The following RPAP3 variants were observed in gnomAD, a reference collection of about 807,000 sequenced individuals.
RPAP3 encodes the protein RNA polymerase II associated protein 3.
RPAP3 carries 58 observed loss-of-function variants against 88.8 expected under a neutral mutation model. The observed-to-expected ratio is 0.65, with a 90% confidence interval of 0.53 to 0.81. RPAP3 has a LOEUF of 0.81. RPAP3 is among the 40% of genes least tolerant of loss of function. The probability of loss-of-function intolerance (pLI) is 0.00; values close to 1 mark genes in which losing one functional copy is unlikely to be tolerated. For synonymous variants in RPAP3, 255 were observed against 259.9 expected, an observed-to-expected ratio of 0.98 and a Z score of 0.18; for missense variants, 751 against 764.3, an observed-to-expected ratio of 0.98 and a Z score of 0.20.
chr12:47,675,004 C>T (rs576941333), intron 12 of RPAP3, among the ~76,000 whole-genome samples: 1 of 152,242 alleles, frequency 6.6e-6, no homozygotes, highest in African/African-American at 2.4e-5. Context: ...AGAGAAAGGT[C>T]GAGTTATCCA....
intron 12 of RPAP3, among the ~76,000 whole-genome samples, chr12:47,670,640 A>C (rs1414350255): frequency 1.3e-5 from 2 of 152,236 alleles, no homozygotes; most frequent in African/African-American, 4.8e-5. Flanking sequence ...GAAGGAAGAT[A>C]AACACTGGCA....
chr12:47,702,880 A>C, intron 1 of RPAP3, 34 bp from the exon 2 acceptor site: 11 of 1,553,884 alleles, frequency 7.1e-6, no homozygotes, highest in Non-Finnish European at 9.6e-6. Flanking sequence ...CTCTGATAAG[A>C]ATAGGCCTAT....
intron 12 of RPAP3, among the ~76,000 whole-genome samples, chr12:47,675,634 A>C (rs1939097600): frequency 6.6e-6 from 1 of 152,236 alleles, no homozygotes; most frequent in African/African-American, 2.4e-5. Context: ...AACAAAGATC[A>C]AAAGAGACAA....
Position 47,683,713 on chromosome 12 carries a change from C to T in RPAP3, c.993-1896G>A, listed in dbSNP as rs150947580. ...TCTTTTAGGTGGTTGGAGAAAAAGACAAACTAATCAAAAATAGAATAAAAA... is the reference window on the plus strand; with the variant it reads ...TCTTTTAGGTGGTTGGAGAAAAAGATAAACTAATCAAAAATAGAATAAAAA... On this transcript the variant is annotated intron_variant, in intron 9 of 16. Transcript: ENST00000005386. 4.9e-3 allele frequency among the ~76,000 whole-genome samples: 746 copies of T among 152,284 alleles called. 8 individuals are homozygous for T. Among genetic ancestry groups the T allele is most frequent in the African/African-American group, 0.017 (707 of 41,566 alleles).
chr12:47,680,648 CAGA>C, intron 10 of RPAP3, among the ~76,000 whole-genome samples: 1 of 151,404 alleles, frequency 6.6e-6, no homozygotes, highest in Middle Eastern at 3.4e-3. Context: ...AAATAAAAAG[CAGA>C]AGGAAATTAA....
At chr12:47,677,752 C>T (rs916553261) in intron 12 of RPAP3, among the ~76,000 whole-genome samples, 3 of 152,076 alleles carry the variant, frequency 2.0e-5, no homozygotes, top group African/African-American at 7.2e-5. Flanking sequence ...AAAGAGGACA[C>T]AAACAAATGG....
At chr12:47,677,379 G>A (rs1345495284) in intron 12 of RPAP3, among the ~76,000 whole-genome samples, 2 of 152,174 alleles carry the variant, frequency 1.3e-5, no homozygotes, top group African/African-American at 4.8e-5. Context: ...CACAATGTCG[G>A]AAGTTCTGGC....
Position 47,675,440 on chromosome 12 carries a change from C to T in RPAP3, c.1287+4053G>A, listed in dbSNP as rs1939091954. Among the ~76,000 whole-genome samples, 6 of 151,970 alleles carry T rather than the reference C, an allele frequency of 3.9e-5. No individual in the cohort carries two copies. In the South Asian group the frequency reaches 1.2e-3, roughly 31 times the overall value. ...AATGGGCTAAATGCCCCAATTAAAA[C>T]ACAAAGACTGCAAATTGGATAGAGT... On this transcript the variant is annotated intron_variant, in intron 12 of 16. Transcript: ENST00000005386.
chr12:47,665,211 C>T (rs1938845392), intron 16 of RPAP3, among the ~76,000 whole-genome samples: 2 of 151,700 alleles, frequency 1.3e-5, no homozygotes, highest in Non-Finnish European at 2.9e-5. Context: ...ATTCTCCTGC[C>T]TGAGCCTCCC....
At chr12:47,670,381 A>T (rs765047690) in intron 12 of RPAP3, 36 bp from the exon 13 acceptor site, 1 of 1,254,546 alleles carries the variant, frequency 8.0e-7, no homozygotes, top group South Asian at 1.3e-5. Flanking sequence ...AAATCAAAAT[A>T]TTAAAGGTTT....
At chr12:47,678,834 AGT>A (rs1939167167) in intron 12 of RPAP3, among the ~76,000 whole-genome samples, 1 of 152,246 alleles carries the variant, frequency 6.6e-6, no homozygotes, top group Non-Finnish European at 1.5e-5. Context: ...TGTGGAAGAC[AGT>A]GTGGCGATTC....
chr12:47,697,671 G>T lies in RPAP3; in HGVS notation c.343C>A (p.Leu115Met), dbSNP rs151225713. Residue 115 changes from leucine (L) to methionine (M), a missense_variant, in exon 4 of 17, where the codon CTG becomes ATG. Physicochemically the swap from Leu to Met is conservative, Grantham distance 15. Coordinates refer to ENST00000005386, the MANE Select transcript of RPAP3 (RefSeq NM_024604.3). ...LDKDDSTHESLSQESESEEDG... is the reference protein window; with the variant it reads ...LDKDDSTHESMSQESESEEDG... ...TCTTCCGACTCTGATTCTTGAGACAGAGACTCATGGGTACTATCGTCTTTG... is the reference window on the plus strand; with the variant it reads ...TCTTCCGACTCTGATTCTTGAGACATAGACTCATGGGTACTATCGTCTTTG... The T allele has an allele frequency of 3.1e-6, 5 of 1,609,710 alleles. No homozygotes were observed. The East Asian group carries it at 1.1e-4, about 36-fold the overall frequency.
rs1939361053 is a variant in RPAP3, at chr12:47,688,103, C to T, written c.739-102G>A. ...ACCTCAAATATATTAGAATTTCTGC[C>T]ACATTTTAAATAATCAAAATAACAT... On this transcript the variant is annotated intron_variant, in intron 7 of 16. Coordinates refer to ENST00000005386, the MANE Select transcript of RPAP3 (RefSeq NM_024604.3). 3 of 1,022,544 alleles carry T rather than the reference C, an allele frequency of 2.9e-6. No homozygotes were observed. In the Admixed American group the frequency reaches 1.1e-4, roughly 36 times the overall value. The allele number at this position is 1,022,544 out of a possible 1,614,324, so 63.3% of individuals were successfully genotyped here. A position where few individuals can be genotyped will look rare whatever the true frequency, so the allele number is the denominator to read the frequency against.
In RPAP3 at chr12:47,689,213, T is replaced by TA. The variant is rs760437968; in HGVS notation, c.668-19dup. 24 of 1,127,944 alleles carry TA rather than the reference T, an allele frequency of 2.1e-5. No homozygotes were observed. The highest frequency in any genetic ancestry group is 5.2e-5 in the East Asian group (2 of 38,712). The allele number at this position is 1,127,944 out of a possible 1,614,324, so 69.9% of individuals were successfully genotyped here. A position where few individuals can be genotyped will look rare whatever the true frequency, so the allele number is the denominator to read the frequency against. ...TTCATAATCTAAGTAAAAGAGAAGATAAAAAAAATTTTTAAAGATAGGTAA... is the reference window on the plus strand; with the variant it reads ...TTCATAATCTAAGTAAAAGAGAAGATAAAAAAAAATTTTTAAAGATAGGTAA... On this transcript the variant is annotated intron_variant, in intron 6 of 16. Transcript: ENST00000005386.
chr12:47,679,406 A>G, intron 12 of RPAP3, 87 bp downstream of exon 12: 1 of 807,224 alleles, frequency 1.2e-6, no homozygotes, highest in Admixed American at 2.7e-5. Context: ...TTAAAAAAAA[A>G]AAGTTTATTA....
At position 47,686,924 on chromosome 12, in the gene RPAP3, A is replaced by C; in HGVS notation, c.865-17T>G. On this transcript the variant is annotated splice_polypyrimidine_tract_variant and intron_variant, in intron 8 of 16. Transcript: ENST00000005386. ...TCCATTCCCCTGTTATTTTGTAGAG[A>C]GATATGGAGAATAAAAAAAAAATTT... The C allele has an allele frequency of 2.0e-6, 3 of 1,507,754 alleles. No individual in the cohort carries two copies. The highest frequency in any genetic ancestry group is 2.7e-6 in the Non-Finnish European group (3 of 1,115,632). 93.4% of individuals were successfully genotyped at this position (1,507,754 alleles called of 1,614,324 possible).
rs557184031 is a variant in RPAP3 at position 47,667,956 on chromosome 12, A to G, written c.1714-105T>C. 2.3e-5 allele frequency: 16 copies of G among 697,224 alleles called. No individual in the cohort carries two copies. The African/African-American group carries it at 2.7e-4, about 12-fold the overall frequency. 43.2% of individuals were successfully genotyped at this position (697,224 alleles called of 1,614,324 possible). A position where few individuals can be genotyped will look rare whatever the true frequency, so the allele number is the denominator to read the frequency against. ...AATAGTAAAGAATAACTACTTTGGG[A>G]GGCCAAGGTGGGAGGATCACCTGAG... On this transcript the variant is annotated intron_variant, in intron 14 of 16. Coordinates refer to ENST00000005386, the MANE Select transcript of RPAP3 (RefSeq NM_024604.3).
At chr12:47,694,434 G>C (rs188447777) in intron 5 of RPAP3, among the ~76,000 whole-genome samples, 109 of 152,150 alleles carry the variant, frequency 7.2e-4, no homozygotes, top group Non-Finnish European at 1.2e-4. Context: ...AGACTATTAG[G>C]AACTCAAGCA....
chr12:47,687,878 G>C lies in RPAP3; in HGVS notation c.862C>G (p.Arg288Gly), dbSNP rs774819368. Residue 288 changes from arginine (R) to glycine (G), a missense_variant and splice_region_variant, in exon 8 of 17, where the codon CGG becomes GGG. Transcript: ENST00000005386. Reference sequence around the variant, plus strand: ...ACGTTGGAATAGCTTTGGATTACCCGATCTTTCTCTGAAATGGCCTGCTGC... The same window carrying C: ...ACGTTGGAATAGCTTTGGATTACCCCATCTTTCTCTGAAATGGCCTGCTGC... ...NKQQAISEKD[R>G]GNGFFKEGKY... is the part of the protein sequence containing the mutation. The C allele has an allele frequency of 2.5e-6, 4 of 1,612,376 alleles. No individual in the cohort carries two copies. In the South Asian group the frequency reaches 3.3e-5, roughly 13 times the overall value.
Sources: gnomAD v4.1 joint callset for allele counts (sites outside exome capture counted in the v4.1 genomes callset) on GRCh38, gnomAD v4.1.1 for gene constraint, MANE v1.5 for transcripts, NCBI Gene and HGNC (gene_info 2026-07-23, HGNC 2026-07-21) for gene names.